SLC1A6: variants seen among roughly 807,000 people sequenced by gnomAD.
SLC1A6 encodes excitatory amino acid transporter 4.
In SLC1A6, 15 loss-of-function variants were observed where a neutral mutation model predicts 42.1. That is an observed-to-expected ratio of 0.36 (90% CI 0.24 to 0.55). The LOEUF (loss-of-function observed/expected upper bound fraction) is 0.55, where lower values mean the gene tolerates loss of function less well. Among genes scored for constraint, SLC1A6 ranks in the 20% least tolerant of loss-of-function variants. The probability of loss-of-function intolerance (pLI) is 0.88; values close to 1 mark genes in which losing one functional copy is unlikely to be tolerated. For synonymous variants in SLC1A6, 317 were observed against 319.7 expected (o/e 0.99, Z 0.09); for missense variants, 542 against 772.5 (o/e 0.70, Z 3.54).
chr19:14,952,780 G>A, intron 9 of SLC1A6, 148 bp downstream of exon 9: 1 of 902,972 alleles, frequency 1.1e-6, no homozygotes, highest in Non-Finnish European at 1.6e-6. Context: ...GCCATGGATT[G>A]GAGGCCTCTC....
chr19:14,986,917 T>C (rs1237870096), intron 1 of SLC1A6, among the ~76,000 whole-genome samples: 1 of 152,118 alleles, frequency 6.6e-6, no homozygotes, highest in Non-Finnish European at 1.5e-5. Flanking sequence ...CAATGAAGAA[T>C]ATAATGACCC....
intron 1 of SLC1A6, among the ~76,000 whole-genome samples, chr19:14,993,076 CCT>C (rs1290137349): frequency 2.0e-5 from 3 of 152,074 alleles, no homozygotes; most frequent in South Asian, 2.1e-4. Context: ...GTCCTGATCC[CCT>C]GTCTTTCATT....
exon 1 of SLC1A6, chr19:15,010,603 A>T (rs1285305949): frequency 4.7e-6 from 3 of 642,342 alleles, no homozygotes; most frequent in Non-Finnish European, 8.4e-6. Context: ...CTCTTTCTCA[A>T]GGAGTCAGGA....
At chr19:14,977,907 T>C (rs984132571) in intron 1 of SLC1A6, 13 of 152,228 alleles carry the variant, frequency 8.5e-5, no homozygotes, top group Non-Finnish European at 1.6e-4. Flanking sequence ...TGTGAGAATG[T>C]CTTACTATCA....
upstream of SLC1A6, among the ~76,000 whole-genome samples, chr19:14,983,255 C>T (rs2045776527): frequency 6.6e-6 from 1 of 152,126 alleles, no homozygotes. Flanking sequence ...CTATTTGTGG[C>T]CTGTTTAGTG....
chr19:14,997,654 C>G (rs969331639), intron 1 of SLC1A6, among the ~76,000 whole-genome samples: 2 of 152,126 alleles, frequency 1.3e-5, no homozygotes, highest in Non-Finnish European at 2.9e-5. Flanking sequence ...CAATGCCACA[C>G]AGAGACAGGC....
chr19:14,999,516 C>T (rs895499161), intron 1 of SLC1A6, among the ~76,000 whole-genome samples: 3 of 152,218 alleles, frequency 2.0e-5, no homozygotes, highest in African/African-American at 7.2e-5. Context: ...TCATCAGGAC[C>T]TCTCCTGTGT....
At chr19:14,970,851 G>A (rs1316316831) in intron 3 of SLC1A6, among the ~76,000 whole-genome samples, 4 of 152,120 alleles carry the variant, frequency 2.6e-5, no homozygotes, top group Admixed American at 2.0e-4. Flanking sequence ...TTACATGTGA[G>A]CCGGGCGTGG....
chr19:14,962,169 A>G lies in SLC1A6; in HGVS notation c.768T>C (p.Thr256=). 6.2e-7 allele frequency: 1 copy of G among 1,614,170 alleles called. No individual in the cohort carries two copies. The highest frequency in any genetic ancestry group is 8.5e-7 in the Non-Finnish European group (1 of 1,180,012). The part of the protein sequence containing the change: ...TLQEMLSFEE[T]VPVPGSANGI... ...CATTGGCGGAGCCAGGCACGGGTAC[A>G]GTCTCCTCAAAGCTCAGCATCTCCT... The change falls in exon 6 of 10, where the codon ACT becomes ACC. Residue 256 remains threonine (T), a synonymous_variant. Transcript: ENST00000594383.
Position 15,008,861 on chromosome 19 carries a change from A to G in SLC1A6, c.6+1624T>C, listed in dbSNP as rs183775587. Among the ~76,000 whole-genome samples, 11 of 149,290 alleles carry G rather than the reference A, an allele frequency of 7.4e-5. No homozygotes were observed. In the East Asian group the frequency reaches 2.2e-3, roughly 29 times the overall value. ...TAATTCGCGTTTTTTTTTTTTTTACAGGCAGGCACCTGTAATTTCAGCTAT... is the reference window on the plus strand; with the variant it reads ...TAATTCGCGTTTTTTTTTTTTTTACGGGCAGGCACCTGTAATTTCAGCTAT... On this transcript the variant is annotated intron_variant, in intron 1 of 8. Coordinates refer to the SLC1A6 transcript ENST00000430939.
intron 2 of SLC1A6, 64 bp from the exon 3 acceptor site, chr19:14,971,938 T>A: frequency 6.4e-7 from 1 of 1,573,484 alleles, no homozygotes; most frequent in Non-Finnish European, 8.7e-7. Context: ...GCAGGGTCCA[T>A]CCATCCCAAG....
At chr19:14,951,994 G>A (rs935664182) in intron 9 of SLC1A6, among the ~76,000 whole-genome samples, 1 of 144,050 alleles carries the variant, frequency 6.9e-6, no homozygotes, top group African/African-American at 2.6e-5. Flanking sequence ...TGTATTTTTT[G>A]TAGAGATGGG....
intron 1 of SLC1A6, chr19:14,976,816 C>A (rs1255023838): frequency 6.6e-6 from 1 of 152,220 alleles, no homozygotes; most frequent in Non-Finnish European, 1.5e-5. Flanking sequence ...TTTACCAGTA[C>A]GTAGGTCCCT....
chr19:14,983,410 T>C (rs2045777324), upstream of SLC1A6, among the ~76,000 whole-genome samples: 1 of 152,020 alleles, frequency 6.6e-6, no homozygotes. Flanking sequence ...TAGCTGGGTG[T>C]GGTGGCTCAC....
chr19:14,977,957 C>T (rs1476150111), intron 1 of SLC1A6, among the ~76,000 whole-genome samples: 1 of 152,114 alleles, frequency 6.6e-6, no homozygotes. Context: ...TAAGTATATA[C>T]CATCATGATT....
intron 3 of SLC1A6, among the ~76,000 whole-genome samples, chr19:14,970,608 G>A (rs966564695): frequency 6.6e-6 from 1 of 152,042 alleles, no homozygotes; most frequent in Non-Finnish European, 1.5e-5. Flanking sequence ...CTACTCAGGA[G>A]GCTGAGGCAG....
Position 14,956,502 on chromosome 19 carries a change from G to T in SLC1A6, c.1143C>A (p.Leu381=). The T allele has an allele frequency of 1.3e-6, 2 of 1,597,352 alleles. No individual in the cohort carries two copies. The highest frequency in any genetic ancestry group is 1.7e-6 in the Non-Finnish European group (2 of 1,170,202). The change falls in exon 7 of 10, where the codon CTC becomes CTA. Residue 381 remains leucine (L), a synonymous_variant. Transcript: ENST00000594383. ...TGGAAGACGTGCCCATAGCGGTGAT[G>T]AGGGCTTGTAGCATGCCCCCAATGA... The part of the protein sequence containing the change: ...FPFIGGMLQA[L]ITAMGTSSSS...
At chr19:14,972,488 G>T (rs1472299721) in intron 2 of SLC1A6, among the ~76,000 whole-genome samples, 1 of 152,252 alleles carries the variant, frequency 6.6e-6, no homozygotes, top group Non-Finnish European at 1.5e-5. Context: ...ACATGGATAT[G>T]CATGTAACAT....
chr19:14,962,030 T>A lies in SLC1A6; in HGVS notation c.907A>T (p.Ile303Phe). Residue 303 changes from isoleucine to phenylalanine, a missense_variant, in exon 6 of 10, where the codon ATT (isoleucine) becomes TTT (phenylalanine). By Grantham distance (21) the Ile-to-Phe change is conservative. Around this residue, in one of 6 missense-constraint regions of SLC1A6, gnomAD observed 298 missense variants for 419.4 expected, o/e 0.71. Transcript: ENST00000594383. Reference protein sequence around the residue: ...RDFFDSLNEAIMRLVGIIIWY... With the variant: ...RDFFDSLNEAFMRLVGIIIWY... The stretch of plus-strand genomic sequence containing the variant: ...ATAATGATGCCCACCAGCCTCATAA[T>A]AGCCTCATTGAGGCTGTCGAAGAAG... 2 of 1,613,574 alleles carry A rather than the reference T, an allele frequency of 1.2e-6. No individual in the cohort carries two copies. Among genetic ancestry groups the A allele is most frequent in the Non-Finnish European group, 1.7e-6 (2 of 1,179,490 alleles).
Sources: gnomAD v4.1 joint callset for allele counts (sites outside exome capture counted in the v4.1 genomes callset) on GRCh38, gnomAD v4.1.1 for gene constraint, gnomAD v4.1.1 regional missense constraint, MANE v1.5 for transcripts, NCBI Gene and HGNC (gene_info 2026-07-23, HGNC 2026-07-21) for gene names.